The following CD46 variants were observed in gnomAD, a reference collection of about 807,000 sequenced individuals.
CD46 encodes CD46 molecule.
CD46 carries 30 observed loss-of-function variants against 53.3 expected under a neutral mutation model. The observed-to-expected ratio is 0.56, with a 90% CI of 0.42 to 0.76. The LOEUF is 0.76. CD46 is among the 30% of genes least tolerant of loss of function. CD46 has a pLI of 0.00. For synonymous variants in CD46, 142 were observed against 152.0 expected (o/e 0.93, Z 0.48); for missense variants, 409 against 463.0 (o/e 0.88, Z 1.07).
chr1:207,784,928 T>G, intron 9 of CD46, 143 bp from the exon 10 acceptor site: 3 of 711,778 alleles, frequency 4.2e-6, no homozygotes, highest in Non-Finnish European at 5.1e-6. Context: ...CCACAACACG[T>G]GGGGATTATG....
rs772611596 is a variant in CD46, at chr1:207,752,256, G to A, written c.44G>A (p.Arg15His). The change falls in exon 1 of 13, where the codon CGC becomes CAC. Residue 15 changes from arginine (R) to histidine (H), a missense_variant. Arg to His is a conservative substitution (Grantham distance 29). Coordinates refer to ENST00000367042, the MANE Select transcript of CD46 (RefSeq NM_172351.3). This position sits in a 1 kb window ranked among gnomAD's most constrained non-coding sequence, Gnocchi z 4.1. Reference sequence around the variant, plus strand: ...CGCGAGTGTCCCTTTCCTTCCTGGCGCTTTCCTGGGTTGCTTCTGGCGGCC... The same window carrying A: ...CGCGAGTGTCCCTTTCCTTCCTGGCACTTTCCTGGGTTGCTTCTGGCGGCC... ...GRRECPFPSWRFPGLLLAAMV... is the reference protein window; with the variant it reads ...GRRECPFPSWHFPGLLLAAMV... 1 of 1,614,148 alleles carries A rather than the reference G, an allele frequency of 6.2e-7. No individual in the cohort carries two copies. The highest frequency in any genetic ancestry group is 8.5e-7 in the Non-Finnish European group (1 of 1,180,018).
In CD46 at chr1:207,793,144, A is replaced by G. The variant is rs41318009; in HGVS notation, c.*42-375A>G. On this transcript the variant is annotated intron_variant, in intron 12 of 12. Transcript: ENST00000367042. The stretch of plus-strand genomic sequence containing the variant: ...ATCACATACTTGAACAGTTAGAACC[A>G]CTATCTTTTTAAAGGTTCTGTGCCA... 1.6e-3 allele frequency among the ~76,000 whole-genome samples: 237 copies of G among 152,322 alleles called. 1 individual carries two copies. Among genetic ancestry groups the G allele is most frequent in the African/African-American group, 5.3e-3 (220 of 41,570 alleles).
chr1:207,793,408 G>A (rs1659982101), intron 12 of CD46, 111 bp from the exon 13 acceptor site: 2 of 779,132 alleles, frequency 2.6e-6, no homozygotes, highest in Non-Finnish European at 4.5e-6. Context: ...CAGGTTGGTG[G>A]CTCATTACTA....
At chr1:207,781,626 CTTT>C (rs1021145877) in intron 8 of CD46, among the ~76,000 whole-genome samples, 10 of 152,092 alleles carry the variant, frequency 6.6e-5, no homozygotes, top group African/African-American at 2.4e-4. Context: ...TCCAGCTTCA[CTTT>C]TTTTGCATGT....
At chr1:207,791,561 G>T (rs1571706541) in intron 12 of CD46, among the ~76,000 whole-genome samples, 1 of 152,222 alleles carries the variant, frequency 6.6e-6, no homozygotes, top group Non-Finnish European at 1.5e-5. Context: ...GAGTGGGACA[G>T]TGTGAGATTT....
intron 7 of CD46, 25 bp from the exon 8 acceptor site, chr1:207,770,296 T>G: frequency 6.4e-7 from 1 of 1,555,942 alleles, no homozygotes; most frequent in Non-Finnish European, 8.9e-7. Flanking sequence ...CTGGTGAATT[T>G]ATAAAATCAA....
At chr1:207,771,333 C>T (rs1237397449) in intron 8 of CD46, among the ~76,000 whole-genome samples, 1 of 152,134 alleles carries the variant, frequency 6.6e-6, no homozygotes, top group East Asian at 1.9e-4. Flanking sequence ...AGATTTTCTC[C>T]CATTCTGTAC....
chr1:207,784,821 G>A (rs945294897), intron 9 of CD46, among the ~76,000 whole-genome samples: 3 of 152,114 alleles, frequency 2.0e-5, no homozygotes, highest in African/African-American at 4.8e-5. Flanking sequence ...GGAGGAAGCC[G>A]CTTATAAAAC....
intron 5 of CD46, among the ~76,000 whole-genome samples, chr1:207,766,353 A>C (rs1004232596): frequency 6.6e-6 from 1 of 152,178 alleles, no homozygotes; most frequent in African/African-American, 2.4e-5. Context: ...ATTAGACACA[A>C]CAAAAGGTCA....
intron 5 of CD46, among the ~76,000 whole-genome samples, chr1:207,764,463 C>G (rs543323311): frequency 6.6e-6 from 1 of 152,204 alleles, no homozygotes; most frequent in Non-Finnish European, 1.5e-5. Flanking sequence ...TCCTTCCTCA[C>G]GTCCACCCCG....
chr1:207,765,890 G>A (rs566654385), intron 5 of CD46, among the ~76,000 whole-genome samples: 18 of 152,248 alleles, frequency 1.2e-4, no homozygotes, highest in Non-Finnish European at 2.2e-4. Context: ...ACCCCAAACT[G>A]CAAATCGCCA....
intron 8 of CD46, among the ~76,000 whole-genome samples, chr1:207,773,240 T>C (rs1657713639): frequency 6.6e-6 from 1 of 152,222 alleles, no homozygotes; most frequent in Admixed American, 6.5e-5. Flanking sequence ...GGGTCAGTGG[T>C]GATATCCCCT....
intron 8 of CD46, among the ~76,000 whole-genome samples, chr1:207,772,546 T>C (rs1657630079): frequency 6.6e-6 from 1 of 152,236 alleles, no homozygotes; most frequent in Admixed American, 6.5e-5. Flanking sequence ...TTGTCTTAAA[T>C]AGCTCTTATT....
chr1:207,784,734 T>C (rs574207538), intron 9 of CD46, among the ~76,000 whole-genome samples: 9 of 152,308 alleles, frequency 5.9e-5, no homozygotes. Context: ...AGGAAACTTA[T>C]AATCATGGAG....
intron 8 of CD46, among the ~76,000 whole-genome samples, chr1:207,780,958 G>A (rs1334837270): frequency 2.0e-5 from 3 of 151,470 alleles, no homozygotes; most frequent in Non-Finnish European, 4.4e-5. Flanking sequence ...GAGAGTAAGA[G>A]GGACAAAACC....
intron 11 of CD46, 45 bp downstream of exon 11, chr1:207,785,727 C>G (rs1659206805): frequency 5.1e-6 from 6 of 1,187,640 alleles, no homozygotes; most frequent in South Asian, 4.8e-5. Context: ...CCTTCTTATA[C>G]TTAACATGCT....
chr1:207,780,002 GT>G (rs1368055874), intron 8 of CD46, among the ~76,000 whole-genome samples: 2 of 130,490 alleles, frequency 1.5e-5, no homozygotes, highest in African/African-American at 2.8e-5. Context: ...GGAACTCTAT[GT>G]TATTTTTTCC....
rs5780403 is a variant in CD46 at position 207,761,718 on chromosome 1, C to CAA, written c.673+283_673+284dup. On this transcript the variant is annotated intron_variant, in intron 5 of 12. Transcript: ENST00000367042. ...GTTAGAAGTTTTTGTTTGAAAGAAC[C>CAA]AAAAAAAAAAAATACACACTGGCTT... 0.33 allele frequency among the ~76,000 whole-genome samples: 47,787 copies of CAA among 146,950 alleles called. 8,295 individuals carry two copies. Among genetic ancestry groups the CAA allele is most frequent in the Non-Finnish European group, 0.41 (27,032 of 66,538 alleles).
intron 8 of CD46, among the ~76,000 whole-genome samples, chr1:207,775,813 A>T (rs1658037563): frequency 6.6e-6 from 1 of 152,234 alleles, no homozygotes; most frequent in African/African-American, 2.4e-5. Flanking sequence ...CAGTCAGGCT[A>T]CATGGGTGTC....
Sources: gnomAD v4.1 joint callset for allele counts (sites outside exome capture counted in the v4.1 genomes callset) on GRCh38, gnomAD v4.1.1 for gene constraint, Gnocchi (gnomAD v3.1) non-coding constraint, MANE v1.5 for transcripts, NCBI Gene and HGNC (gene_info 2026-07-23, HGNC 2026-07-21) for gene names.